BRMS1L: variants seen among roughly 807,000 people sequenced by gnomAD.
The protein encoded by BRMS1L is BRMS1 like transcriptional repressor, also known as breast cancer metastasis-suppressor 1-like protein.
BRMS1L carries 23 observed loss-of-function variants against 50.3 expected under a neutral mutation model. That is an observed-to-expected ratio of 0.46 (90% CI 0.33 to 0.65). The LOEUF is 0.65. Ranked by LOEUF, BRMS1L falls within the 30% of genes least tolerant of loss-of-function variation. The pLI, the probability that BRMS1L is intolerant of heterozygous loss-of-function variation, is 0.02. For synonymous variants in BRMS1L, 114 were observed against 126.9 expected (o/e 0.90, Z 0.69); for missense variants, 286 against 386.1 (o/e 0.74, Z 2.17).
At chr14:35,830,305 G>A (rs1232470317) in intron 1 of BRMS1L, among the ~76,000 whole-genome samples, 1 of 152,164 alleles carries the variant, frequency 6.6e-6, no homozygotes, top group East Asian at 1.9e-4. Context: ...CTGACCTCAG[G>A]TGATCCGCCT....
At chr14:35,867,269 G>A (rs1032161332) in intron 8 of BRMS1L, among the ~76,000 whole-genome samples, 1 of 152,162 alleles carries the variant, frequency 6.6e-6, no homozygotes, top group African/African-American at 2.4e-5. Flanking sequence ...AAAGAACTGT[G>A]CAGTTGATAT....
Position 35,863,976 on chromosome 14 carries a change from T to G in BRMS1L, c.622+23T>G, listed in dbSNP as rs529056207. On this transcript the variant is annotated intron_variant, in intron 6 of 9. Coordinates refer to ENST00000216807, the MANE Select transcript of BRMS1L (RefSeq NM_032352.4). ...CAGATATCCTTTTCCAAATTTTCTGTTTTTTTTTCCTTGATGTGCGTTTTT... is the reference window on the plus strand; with the variant it reads ...CAGATATCCTTTTCCAAATTTTCTGGTTTTTTTTCCTTGATGTGCGTTTTT... 45 of 1,586,982 alleles carry G rather than the reference T, an allele frequency of 2.8e-5. No homozygotes were observed. The South Asian group carries it at 2.9e-4, about 10-fold the overall frequency.
At chr14:35,855,585 A>G (rs1187611074) in intron 4 of BRMS1L, among the ~76,000 whole-genome samples, 1 of 152,178 alleles carries the variant, frequency 6.6e-6, no homozygotes, top group Non-Finnish European at 1.5e-5. Context: ...AGCCATAGAG[A>G]TGCTAAATAT....
At chr14:35,830,941 A>ATTTTTTTTTT (rs762350767) in intron 1 of BRMS1L, among the ~76,000 whole-genome samples, 1 of 131,684 alleles carries the variant, frequency 7.6e-6, no homozygotes, top group Non-Finnish European at 1.6e-5. Context: ...TCTATAGTGG[A>ATTTTTTTTTT]TTTTTTTTTT....
At chr14:35,845,189 C>A (rs1427481216) in intron 4 of BRMS1L, among the ~76,000 whole-genome samples, 1 of 152,052 alleles carries the variant, frequency 6.6e-6, no homozygotes, top group Non-Finnish European at 1.5e-5. Flanking sequence ...CAGTTTGTTT[C>A]TTTTATTCTC....
intron 1 of BRMS1L, among the ~76,000 whole-genome samples, chr14:35,827,598 T>G (rs1448058504): frequency 6.6e-6 from 1 of 152,218 alleles, no homozygotes. Context: ...TTTCAATCAG[T>G]AAATCAGCCA....
chr14:35,862,569 A>G (rs756993640), intron 4 of BRMS1L, 21 bp from the exon 5 acceptor site: 2 of 1,535,188 alleles, frequency 1.3e-6, no homozygotes, highest in Non-Finnish European at 1.8e-6. Flanking sequence ...CTACTTAAGT[A>G]TAATCTGTTT....
intron 3 of BRMS1L, among the ~76,000 whole-genome samples, chr14:35,834,393 T>C (rs1240588989): frequency 6.6e-6 from 1 of 152,138 alleles, no homozygotes; most frequent in Non-Finnish European, 1.5e-5. Flanking sequence ...CCTCGTGGAT[T>C]CTTTGGATTG....
In BRMS1L at chr14:35,868,025, C is replaced by T; in HGVS notation, c.847C>T (p.Pro283Ser). The change falls in exon 9 of 10, where the codon CCT becomes TCT. Residue 283 changes from proline to serine, a missense_variant. By Grantham distance (74) the Pro-to-Ser change is moderately conservative. This residue lies in a region of BRMS1L where 49 missense variants were observed against 39.1 expected (regional missense o/e 1.25). Transcript: ENST00000216807. ...ATGTATTGATAAAAAAGATGAATGT[C>T]CTACAAGGTAAAAAAGCCTTTGTTA... is the stretch of plus-strand genomic sequence containing the variant. Reference protein sequence around the residue: ...TICIDKKDECPTSAVITTINH... With the variant: ...TICIDKKDECSTSAVITTINH... The T allele has an allele frequency of 6.3e-7, 1 of 1,590,460 alleles. No homozygotes were observed. The highest frequency in any genetic ancestry group is 8.5e-7 in the Non-Finnish European group (1 of 1,173,260).
rs144105024 is a variant in BRMS1L at position 35,848,950 on chromosome 14, C to T, written c.442-13640C>T. Reference sequence around the variant, plus strand: ...AACATGGGAGTGCAGATATCTTTGACGTACTGTTTCATTTCCTTTGGATAT... The same window carrying T: ...AACATGGGAGTGCAGATATCTTTGATGTACTGTTTCATTTCCTTTGGATAT... On this transcript the variant is annotated intron_variant, in intron 4 of 9. Coordinates refer to ENST00000216807, the MANE Select transcript of BRMS1L (RefSeq NM_032352.4). Among the ~76,000 whole-genome samples the T allele has an allele frequency of 3.5e-3, 534 of 152,220 alleles. 4 individuals are homozygous for T. Among genetic ancestry groups the T allele is most frequent in the African/African-American group, 0.012 (504 of 41,544 alleles).
chr14:35,864,991 A>G lies in BRMS1L; in HGVS notation c.679A>G (p.Ile227Val). The change falls in exon 7 of 10, where the codon ATT becomes GTT. Residue 227 changes from isoleucine to valine, a missense_variant. By Grantham distance (29) the Ile-to-Val change is conservative. Transcript: ENST00000216807. ...DLDILEDWTT[I>V]RKAMATLGPH... is the part of the protein sequence containing the mutation. ...TGATATTCTTGAAGACTGGACAACAATTAGGAAGGTATGATTAATGAGCAG... is the reference window on the plus strand; with the variant it reads ...TGATATTCTTGAAGACTGGACAACAGTTAGGAAGGTATGATTAATGAGCAG... 2 of 1,573,822 alleles carry G rather than the reference A, an allele frequency of 1.3e-6. No individual in the cohort carries two copies. The highest frequency in any genetic ancestry group is 1.7e-6 in the Non-Finnish European group (2 of 1,160,940).
At chr14:35,850,370 G>T (rs960257630) in intron 4 of BRMS1L, among the ~76,000 whole-genome samples, 2 of 151,774 alleles carry the variant, frequency 1.3e-5, no homozygotes, top group African/African-American at 4.8e-5. Context: ...ACCATGCCTG[G>T]CTAATTTTGT....
intron 4 of BRMS1L, among the ~76,000 whole-genome samples, chr14:35,847,078 G>T (rs1317176009): frequency 1.3e-5 from 2 of 151,740 alleles, no homozygotes; most frequent in East Asian, 3.9e-4. Context: ...GAGTTCAAGC[G>T]ATCTTCCCAC....
intron 4 of BRMS1L, among the ~76,000 whole-genome samples, chr14:35,861,301 C>A (rs2078348196): frequency 6.6e-6 from 1 of 152,104 alleles, no homozygotes; most frequent in Non-Finnish European, 1.5e-5. Context: ...AAAGAGAATA[C>A]ACCAATTAAA....
At chr14:35,852,964 T>C (rs953616794) in intron 4 of BRMS1L, among the ~76,000 whole-genome samples, 2 of 150,096 alleles carry the variant, frequency 1.3e-5, no homozygotes, top group Non-Finnish European at 3.0e-5. Context: ...TCACCTTGTA[T>C]TTCTATCAGT....
chr14:35,851,358 CAGATGTCTAAACAAAAAAGCATGCCAA>C (rs1566423262), intron 4 of BRMS1L, among the ~76,000 whole-genome samples: 2 of 141,078 alleles, frequency 1.4e-5, no homozygotes, highest in South Asian at 2.2e-4. Flanking sequence ...AAGTGATTTC[CAGATGTCTAAACAAAAAAGCATGCCAA>C]AAAAAAAAAA....
rs112167438 is a variant in BRMS1L at position 35,855,143 on chromosome 14, A to G, written c.442-7447A>G. 4.4e-4 allele frequency among the ~76,000 whole-genome samples: 67 copies of G among 152,322 alleles called. 2 individuals are homozygous for G. The highest frequency in any genetic ancestry group is 1.4e-3 in the African/African-American group (58 of 41,564). On this transcript the variant is annotated intron_variant, in intron 4 of 9. Coordinates refer to ENST00000216807, the MANE Select transcript of BRMS1L (RefSeq NM_032352.4). ...TGTTTCCCAGATAGCCCTGAAAAGC[A>G]TGCCTCTAGGTTATTGATACCAGCA... is the stretch of plus-strand genomic sequence containing the variant.
chr14:35,849,006 AT>A (rs965541911), intron 4 of BRMS1L, among the ~76,000 whole-genome samples: 18 of 150,800 alleles, frequency 1.2e-4, no homozygotes, highest in East Asian at 1.9e-4. Flanking sequence ...TGGAAATTGT[AT>A]TTTTTTTTCT....
intron 4 of BRMS1L, among the ~76,000 whole-genome samples, chr14:35,860,569 G>A (rs1341732033): frequency 1.4e-5 from 2 of 147,698 alleles, no homozygotes; most frequent in Non-Finnish European, 3.0e-5. Context: ...TTATTCCAGT[G>A]CAGTATGCTT....
Sources: gnomAD v4.1 joint callset for allele counts (sites outside exome capture counted in the v4.1 genomes callset) on GRCh38, gnomAD v4.1.1 for gene constraint, gnomAD v4.1.1 regional missense constraint, MANE v1.5 for transcripts, NCBI Gene and HGNC (gene_info 2026-07-23, HGNC 2026-07-21) for gene names.